Variants in TRIO observed in about 807,000 individuals in gnomAD.
The protein encoded by TRIO is trio Rho guanine nucleotide exchange factor, also known as triple functional domain protein.
TRIO carries 58 observed loss-of-function variants against 351.9 expected under a neutral mutation model. The ratio of observed to expected loss-of-function variants is 0.16; its 90% CI spans 0.13 to 0.21. The LOEUF is 0.21. Among genes scored for constraint, TRIO ranks in the 10% least tolerant of loss-of-function variants. The pLI, the probability that TRIO is intolerant of heterozygous loss-of-function variation, is 1.00. For missense variants in TRIO, 3,201 were observed against 4,027.8 expected (o/e 0.79, Z 5.56); for synonymous variants, 1,758 against 1,595.7 (o/e 1.10, Z -2.42).
intron 1 of TRIO, among the ~76,000 whole-genome samples, chr5:14,180,164 G>A (rs923175309): frequency 4.7e-5 from 7 of 147,766 alleles, no homozygotes; most frequent in African/African-American, 1.3e-4. Context: ...AAGCCTATGC[G>A]TTATATTCCC....
At chr5:14,485,423 T>A (rs1211435864) in intron 47 of TRIO, among the ~76,000 whole-genome samples, 177 bp downstream of exon 47, 2 of 152,216 alleles carry the variant, frequency 1.3e-5, no homozygotes, top group Admixed American at 6.5e-5. Flanking sequence ...TGGCCAGTAC[T>A]ATTATTATTC....
intron 7 of TRIO, among the ~76,000 whole-genome samples, chr5:14,303,980 A>G (rs908669234): frequency 7.9e-5 from 12 of 152,114 alleles, no homozygotes; most frequent in African/African-American, 2.9e-4. Context: ...GAACTTTTTC[A>G]TTACATCTCA....
At chr5:14,406,761 G>A (rs1274561436) in intron 33 of TRIO, 89 bp downstream of exon 33, 3 of 1,346,722 alleles carry the variant, frequency 2.2e-6, no homozygotes, top group Non-Finnish European at 3.2e-6. Flanking sequence ...CTCACAGTTT[G>A]TCATCAACAT....
chr5:14,156,417 G>A (rs1019772300), intron 1 of TRIO, among the ~76,000 whole-genome samples: 12 of 152,120 alleles, frequency 7.9e-5, no homozygotes, highest in African/African-American at 2.7e-4. Flanking sequence ...AAGTGTATGC[G>A]TGTATGTGTG....
At chr5:14,357,637 G>T (rs1296166002) in intron 11 of TRIO, among the ~76,000 whole-genome samples, 2 of 152,046 alleles carry the variant, frequency 1.3e-5, no homozygotes, top group African/African-American at 4.8e-5. Context: ...GGCTCGTGCC[G>T]TCACCTCCCT....
rs1757882951 is a variant in TRIO, at chr5:14,508,611, G to A, written c.*189G>A. Reference sequence around the variant, plus strand: ...GCAAGCTGCGCTGGGGTGGAGGACCGTCACTTACACTCTGCCCAAGGCAGA... The same window carrying A: ...GCAAGCTGCGCTGGGGTGGAGGACCATCACTTACACTCTGCCCAAGGCAGA... On this transcript the variant is annotated 3_prime_UTR_variant, in exon 57 of 57. Coordinates refer to ENST00000344204, the MANE Select transcript of TRIO (RefSeq NM_007118.4). 1.3e-5 allele frequency: 9 copies of A among 669,702 alleles called. No individual in the cohort carries two copies. In the East Asian group the frequency reaches 1.4e-4, roughly 10 times the overall value. 41.5% of individuals were successfully genotyped at this position (669,702 alleles called of 1,614,324 possible).
intron 1 of TRIO, among the ~76,000 whole-genome samples, chr5:14,264,241 T>C (rs940576929): frequency 2.6e-5 from 4 of 152,126 alleles, no homozygotes; most frequent in Non-Finnish European, 4.4e-5. Flanking sequence ...TATTAAAAAA[T>C]AGAACTATTT....
At chr5:14,239,959 A>G (rs568343402) in intron 1 of TRIO, among the ~76,000 whole-genome samples, 1 of 152,304 alleles carries the variant, frequency 6.6e-6, no homozygotes, top group African/African-American at 2.4e-5. Flanking sequence ...AAGTATTCGT[A>G]TATAATTTAG....
At chr5:14,201,945 A>G (rs1188593740) in intron 1 of TRIO, among the ~76,000 whole-genome samples, 1 of 127,588 alleles carries the variant, frequency 7.8e-6, no homozygotes, top group Non-Finnish European at 1.6e-5. Context: ...AGAAAGGGGA[A>G]CATCACACAC....
intron 1 of TRIO, among the ~76,000 whole-genome samples, chr5:14,198,746 T>C (rs1790923366): frequency 6.6e-6 from 1 of 152,192 alleles, no homozygotes; most frequent in African/African-American, 2.4e-5. Context: ...CTGTAGGGGC[T>C]GAACTTCAAG....
chr5:14,393,932 T>C (rs1442274560), intron 27 of TRIO, 106 bp from the exon 28 acceptor site: 1 of 621,660 alleles, frequency 1.6e-6, no homozygotes, highest in African/African-American at 1.9e-5. Context: ...TCAGCATGAT[T>C]AAACAGTTGT....
chr5:14,144,423 C>T (rs1449002674), intron 1 of TRIO, among the ~76,000 whole-genome samples: 2 of 152,206 alleles, frequency 1.3e-5, no homozygotes, highest in East Asian at 1.9e-4. Context: ...AGCCTGTCAT[C>T]TCCCCGGCCT....
chr5:14,391,768 G>A (rs1295700233), intron 27 of TRIO, among the ~76,000 whole-genome samples: 1 of 152,228 alleles, frequency 6.6e-6, no homozygotes, highest in Non-Finnish European at 1.5e-5. Context: ...GGACTGGTGG[G>A]ATCATCAGCT....
chr5:14,253,998 T>C (rs566385739), intron 1 of TRIO, among the ~76,000 whole-genome samples: 23 of 152,268 alleles, frequency 1.5e-4, no homozygotes, highest in Non-Finnish European at 3.2e-4. Flanking sequence ...AAAAGTATTT[T>C]ATGTTAATAT....
At chr5:14,454,269 C>T (rs994864092) in intron 34 of TRIO, among the ~76,000 whole-genome samples, 1 of 152,148 alleles carries the variant, frequency 6.6e-6, no homozygotes, top group Non-Finnish European at 1.5e-5. Flanking sequence ...CAGTTCTGTC[C>T]TGAGCCCCCA....
At chr5:14,183,227 C>G (rs1789901455) in intron 1 of TRIO, among the ~76,000 whole-genome samples, 1 of 152,108 alleles carries the variant, frequency 6.6e-6, no homozygotes, top group Non-Finnish European at 1.5e-5. Context: ...CCCTTGCTCC[C>G]CTCCGTTGAA....
chr5:14,439,933 C>T (rs1052273839), intron 34 of TRIO, among the ~76,000 whole-genome samples: 4 of 152,154 alleles, frequency 2.6e-5, no homozygotes, highest in African/African-American at 7.2e-5. Flanking sequence ...GTCTTAAACT[C>T]AGAAAGAAAC....
intron 4 of TRIO, among the ~76,000 whole-genome samples, 155 bp from the exon 5 acceptor site, chr5:14,290,561 A>G (rs773249700): frequency 6.6e-6 from 1 of 152,176 alleles, no homozygotes; most frequent in Non-Finnish European, 1.5e-5. Context: ...TTTCATCTAC[A>G]TTTATTTTTA....
intron 1 of TRIO, among the ~76,000 whole-genome samples, chr5:14,157,720 G>A (rs952549070): frequency 1.3e-5 from 2 of 152,104 alleles, no homozygotes; most frequent in Non-Finnish European, 2.9e-5. Flanking sequence ...AAGTAGCTGA[G>A]ACTTTGAGCA....
Sources: allele counts gnomAD v4.1 joint callset (sites outside exome capture counted in the v4.1 genomes callset), GRCh38; gene constraint gnomAD v4.1.1; transcripts MANE v1.5; gene names NCBI Gene and HGNC (gene_info 2026-07-23, HGNC 2026-07-21).